The following MYO1E variants were observed in gnomAD, a reference collection of about 807,000 sequenced individuals.
MYO1E encodes the protein myosin IE, also known as unconventional myosin-Ie.
Under a neutral mutation model 151.1 loss-of-function variants are expected in MYO1E, and 68 were observed. The ratio of observed to expected loss-of-function variants is 0.45; its 90% CI spans 0.37 to 0.55. MYO1E has a LOEUF of 0.55. MYO1E is among the 20% of genes least tolerant of loss of function. The pLI is 0.00. For synonymous variants in MYO1E, 601 were observed against 501.7 expected (o/e 1.20, Z -2.64); for missense variants, 1,363 against 1,389.3 (o/e 0.98, Z 0.30).
Position 59,137,086 on chromosome 15 carries a change from C to A in MYO1E, c.*294G>T. The A allele has an allele frequency of 2.2e-6, 1 of 449,882 alleles. No homozygotes were observed. The highest frequency in any genetic ancestry group is 4.1e-6 in the Non-Finnish European group (1 of 241,132). 27.9% of individuals were successfully genotyped at this position (449,882 alleles called of 1,614,324 possible). ...TTGATAGAAGCCTACAAGGTCTGAG[C>A]AGACCTCACTTGTCCTCTCACCAGG... On this transcript the variant is annotated 3_prime_UTR_variant, in exon 28 of 28. Transcript: ENST00000288235.
At chr15:59,238,580 T>A (rs1210844236) in intron 4 of MYO1E, among the ~76,000 whole-genome samples, 2 of 152,162 alleles carry the variant, frequency 1.3e-5, no homozygotes, top group African/African-American at 4.8e-5. Flanking sequence ...GGTATAGGAA[T>A]GGTTTTTTTG....
chr15:59,260,933 G>C (rs1403830922), intron 3 of MYO1E, among the ~76,000 whole-genome samples: 1 of 152,140 alleles, frequency 6.6e-6, no homozygotes, highest in East Asian at 1.9e-4. Flanking sequence ...GCTCTAAAAA[G>C]CAGATCATTG....
chr15:59,361,852 T>C (rs2080887180), intron 1 of MYO1E, among the ~76,000 whole-genome samples: 1 of 152,108 alleles, frequency 6.6e-6, no homozygotes, highest in Admixed American at 6.5e-5. Context: ...TTATTTATTT[T>C]TTGAGATGGA....
At chr15:59,302,295 A>G (rs1318848906) in intron 1 of MYO1E, among the ~76,000 whole-genome samples, 7 of 152,236 alleles carry the variant, frequency 4.6e-5, no homozygotes, top group African/African-American at 1.7e-4. Flanking sequence ...AAGGCACCCC[A>G]AAATAGACCT....
chr15:59,287,576 G>A (rs1235058514), intron 1 of MYO1E, among the ~76,000 whole-genome samples: 1 of 152,196 alleles, frequency 6.6e-6, no homozygotes, highest in Non-Finnish European at 1.5e-5. Flanking sequence ...TCAACAGCAA[G>A]CCAATAGAGC....
intron 1 of MYO1E, among the ~76,000 whole-genome samples, chr15:59,336,504 T>C (rs1277854292): frequency 6.6e-6 from 1 of 152,232 alleles, no homozygotes; most frequent in Non-Finnish European, 1.5e-5. Flanking sequence ...TATGTGTTTT[T>C]AATAGTACTT....
chr15:59,161,380 C>T (rs187756984), intron 23 of MYO1E, 150 bp from the exon 24 acceptor site: 1 of 887,438 alleles, frequency 1.1e-6, no homozygotes, highest in Non-Finnish European at 1.7e-6. Context: ...TGAGGATGCG[C>T]ACCGCATCCA....
At chr15:59,285,085 T>C (rs567995858) in intron 1 of MYO1E, among the ~76,000 whole-genome samples, 2 of 152,294 alleles carry the variant, frequency 1.3e-5, no homozygotes, top group South Asian at 4.1e-4. Flanking sequence ...CTCTTAGACA[T>C]TCGGTAATAC....
In MYO1E at chr15:59,208,836, T is replaced by C. The variant is rs760663511; in HGVS notation, c.1375A>G (p.Ile459Val). The change falls in exon 14 of 28, where the codon ATC (isoleucine) becomes GTC (valine). Residue 459 changes from isoleucine (I) to valine (V), a missense_variant. Physicochemically the swap from Ile to Val is conservative, Grantham distance 29 (BLOSUM62 3). Transcript: ENST00000288235. Reference sequence around the variant, plus strand: ...CACACGTCATCCAGGATGCTCATGATGCCAGGAGGGTTCTGATGGGAGCAA... The same window carrying C: ...CACACGTCATCCAGGATGCTCATGACGCCAGGAGGGTTCTGATGGGAGCAA... ...LIENKVNPPG[I>V]MSILDDVCAT... 5.6e-6 allele frequency: 9 copies of C among 1,614,104 alleles called. No homozygotes were observed. Among genetic ancestry groups the C allele is most frequent in the Non-Finnish European group, 4.2e-6 (5 of 1,180,054 alleles).
chr15:59,263,924 C>G (rs1385840003), intron 2 of MYO1E, among the ~76,000 whole-genome samples: 4 of 152,078 alleles, frequency 2.6e-5, no homozygotes, highest in African/African-American at 9.7e-5. Flanking sequence ...TTAAAATTAT[C>G]AAGCAGGTAA....
At chr15:59,248,252 G>A (rs972945055) in intron 4 of MYO1E, among the ~76,000 whole-genome samples, 3 of 151,470 alleles carry the variant, frequency 2.0e-5, no homozygotes, top group African/African-American at 7.3e-5. Context: ...GGGCGGCCAA[G>A]GCAGGTGGAT....
chr15:59,180,482 A>G (rs1566972044), intron 18 of MYO1E, among the ~76,000 whole-genome samples: 1 of 152,038 alleles, frequency 6.6e-6, no homozygotes, highest in Non-Finnish European at 1.5e-5. Flanking sequence ...TTTATCGTGC[A>G]ACTGGAAATG....
chr15:59,214,507 A>T (rs1465355842), intron 11 of MYO1E, 133 bp downstream of exon 11: 7 of 1,022,212 alleles, frequency 6.8e-6, no homozygotes, highest in Non-Finnish European at 1.1e-5. Flanking sequence ...GGCAAAAATG[A>T]GCCTGAGTTG....
intron 1 of MYO1E, among the ~76,000 whole-genome samples, chr15:59,279,536 G>T (rs1292774400): frequency 6.6e-6 from 1 of 152,122 alleles, no homozygotes; most frequent in Non-Finnish European, 1.5e-5. Flanking sequence ...TAGCCATAGG[G>T]TGTCACACAA....
At position 59,336,424 on chromosome 15, in the gene MYO1E, A is replaced by G. The variant is rs533039935; in HGVS notation, c.3+36074T>C. Among the ~76,000 whole-genome samples the G allele has an allele frequency of 5.3e-5, 8 of 152,238 alleles. No homozygotes were observed. In the South Asian group the frequency reaches 6.3e-4, roughly 12 times the overall value. Reference sequence around the variant, plus strand: ...TCAAAGGGACATACATAAATAAGGTAAATAAGGTTTATTTATGTCCCTTTA... The same window carrying G: ...TCAAAGGGACATACATAAATAAGGTGAATAAGGTTTATTTATGTCCCTTTA... On this transcript the variant is annotated intron_variant, in intron 1 of 27. Coordinates refer to ENST00000288235, the MANE Select transcript of MYO1E (RefSeq NM_004998.4).
chr15:59,227,736 T>C lies in MYO1E; in HGVS notation c.511-146A>G. The C allele has an allele frequency of 2.7e-6, 3 of 1,105,536 alleles. No homozygotes were observed. The Admixed American group carries it at 5.5e-5, about 20-fold the overall frequency. 68.5% of individuals were successfully genotyped at this position (1,105,536 alleles called of 1,614,324 possible). A position where few individuals can be genotyped will look rare whatever the true frequency, so the allele number is the denominator to read the frequency against. ...CTCCTAATTTGAGTCTAGACTTCCT[T>C]AGTTTTCAATCAGACAATAACCCGT... On this transcript the variant is annotated intron_variant, in intron 6 of 27. Transcript: ENST00000288235.
intron 1 of MYO1E, among the ~76,000 whole-genome samples, chr15:59,323,620 C>T (rs777863796): frequency 2.1e-4 from 32 of 151,730 alleles, no homozygotes; most frequent in Non-Finnish European, 4.3e-4. Flanking sequence ...CGCACCACTG[C>T]ACTCCAGCCT....
At chr15:59,330,971 C>T (rs549204721) in intron 1 of MYO1E, among the ~76,000 whole-genome samples, 6 of 152,216 alleles carry the variant, frequency 3.9e-5, no homozygotes, top group Non-Finnish European at 7.4e-5. Context: ...AGTCTCCCTA[C>T]GTTGCCCATG....
At position 59,256,982 on chromosome 15, in the gene MYO1E, C is replaced by T. The variant is rs115147371; in HGVS notation, c.238-604G>A. Among the ~76,000 whole-genome samples the T allele has an allele frequency of 1.9e-3, 291 of 152,150 alleles. 2 individuals carry two copies. The highest frequency in any genetic ancestry group is 6.6e-3 in the African/African-American group (275 of 41,518). On this transcript the variant is annotated intron_variant, in intron 3 of 27. Coordinates refer to ENST00000288235, the MANE Select transcript of MYO1E (RefSeq NM_004998.4). ...CTAGTTTGGCCAGTTTGTTTCATCTCTATTGGAAAAAAAAATCCTACCACG... is the reference window on the plus strand; with the variant it reads ...CTAGTTTGGCCAGTTTGTTTCATCTTTATTGGAAAAAAAAATCCTACCACG...
Sources: gnomAD v4.1 joint callset for allele counts (sites outside exome capture counted in the v4.1 genomes callset) on GRCh38, gnomAD v4.1.1 for gene constraint, MANE v1.5 for transcripts, NCBI Gene and HGNC (gene_info 2026-07-23, HGNC 2026-07-21) for gene names.